Variants in SSUH2 observed in about 807,000 individuals in gnomAD.
The protein encoded by SSUH2 is ssu-2 homolog.
Under a neutral mutation model 55.3 loss-of-function variants are expected in SSUH2, and 47 were observed. The observed-to-expected ratio is 0.85, with a 90% CI of 0.67 to 1.08. The LOEUF (loss-of-function observed/expected upper bound fraction) is 1.08, where lower values mean the gene tolerates loss of function less well. Among genes scored for constraint, SSUH2 ranks in the 50% least tolerant of loss-of-function variants. The pLI, the probability that SSUH2 is intolerant of heterozygous loss-of-function variation, is 0.00. For synonymous variants in SSUH2, 212 were observed against 191.5 expected (o/e 1.11, Z -0.89); for missense variants, 535 against 490.7 (o/e 1.09, Z -0.85).
intron 6 of SSUH2, chr3:8,663,685 C>A: frequency 2.6e-6 from 1 of 386,412 alleles, no homozygotes. Context: ...AATTGATTAA[C>A]TAACTCAGCC....
chr3:8,630,682 A>G (rs1698577412), intron 6 of SSUH2, 123 bp downstream of exon 6: 5 of 912,368 alleles, frequency 5.5e-6, no homozygotes, highest in Non-Finnish European at 3.0e-6. Flanking sequence ...ATAACCAACA[A>G]ATGAAGCACC....
At chr3:8,649,779 C>T (rs144789347), upstream of SSUH2, among the ~76,000 whole-genome samples, 11 of 152,222 alleles carry the variant, frequency 7.2e-5, no homozygotes, top group African/African-American at 2.6e-4. Context: ...TTGCCCTCGC[C>T]CTGACAAAGC....
chr3:8,630,068 G>C (rs77149110), intron 6 of SSUH2, among the ~76,000 whole-genome samples: 8 of 152,292 alleles, frequency 5.3e-5, no homozygotes, highest in Non-Finnish European at 1.2e-4. Context: ...TGGTCTTTGG[G>C]AACAGAAGCC....
At chr3:8,660,821 G>A (rs973740464) in intron 6 of SSUH2, among the ~76,000 whole-genome samples, 2 of 152,156 alleles carry the variant, frequency 1.3e-5, no homozygotes, top group African/African-American at 4.8e-5. Context: ...CAGCTTTTTG[G>A]ATATGAATCC....
chr3:8,637,972 T>C (rs909481687), intron 1 of SSUH2, among the ~76,000 whole-genome samples: 5 of 152,186 alleles, frequency 3.3e-5, no homozygotes, highest in African/African-American at 1.2e-4. Flanking sequence ...AACCAGACAA[T>C]AGAAGCTTCG....
At chr3:8,663,867 T>C in intron 5 of SSUH2, 1 of 456,566 alleles carries the variant, frequency 2.2e-6, no homozygotes, top group South Asian at 1.5e-5. Context: ...CCCAAGACAA[T>C]GTTGTTTTCT....
At chr3:8,620,117 C>T (rs1291701920) in intron 11 of SSUH2, 103 bp from the exon 12 acceptor site, 1 of 1,326,974 alleles carries the variant, frequency 7.5e-7, no homozygotes. Flanking sequence ...ATGAAAGGTC[C>T]TGCTCTGGAG....
At chr3:8,645,029 A>C (rs1010893179), upstream of SSUH2, among the ~76,000 whole-genome samples, 1 of 152,262 alleles carries the variant, frequency 6.6e-6, no homozygotes, top group East Asian at 1.9e-4. Context: ...CACCCCTTTG[A>C]GAGGGGCACT....
intron 3 of SSUH2, among the ~76,000 whole-genome samples, chr3:8,676,308 C>T (rs1559553340): frequency 6.6e-6 from 1 of 152,196 alleles, no homozygotes; most frequent in East Asian, 2.0e-4. Flanking sequence ...GGTGTTTCTA[C>T]TCCCTGCGAT....
chr3:8,622,068 C>A (rs557876630), intron 11 of SSUH2, among the ~76,000 whole-genome samples: 1 of 152,228 alleles, frequency 6.6e-6, no homozygotes, highest in African/African-American at 2.4e-5. Flanking sequence ...TGCAGCTGAG[C>A]CCCTGCAATA....
At chr3:8,678,975 GA>G (rs1705700788) in intron 2 of SSUH2, among the ~76,000 whole-genome samples, 5 of 107,698 alleles carry the variant, frequency 4.6e-5, no homozygotes, top group Non-Finnish European at 8.8e-5. Flanking sequence ...TCGCAGGGCG[GA>G]GAGTCACCCC....
chr3:8,635,818 G>A lies in SSUH2; in HGVS notation c.68C>T (p.Ala23Val), dbSNP rs776600879. The change falls in exon 2 of 12, where the codon GCG (alanine) becomes GTG (valine). Residue 23 changes from alanine (A) to valine (V), a missense_variant. Transcript: ENST00000544814. ...DLSFEAESPL[A>V]PPTELLERLP... is the part of the protein sequence containing the mutation. ...TCTCTCCAGGAGCTCTGTGGGGGGC[G>A]CCAGAGGACTCTCGGCCTCAAAACT... The A allele has an allele frequency of 3.9e-5, 60 of 1,536,006 alleles. No individual in the cohort carries two copies. In the East Asian group the frequency reaches 6.4e-4, roughly 16 times the overall value.
intron 2 of SSUH2, chr3:8,677,361 C>T (rs368158453): frequency 6.6e-6 from 1 of 151,212 alleles, no homozygotes; most frequent in Non-Finnish European, 1.5e-5. Context: ...AGCCTAAGGG[C>T]AGAAGGCAGG....
chr3:8,621,276 A>G (rs971206907), intron 11 of SSUH2, among the ~76,000 whole-genome samples: 4 of 152,130 alleles, frequency 2.6e-5, no homozygotes, highest in African/African-American at 9.7e-5. Flanking sequence ...GGCCCTCTTT[A>G]CTTGCAGGGA....
chr3:8,642,629 C>T (rs1701046758), intron 1 of SSUH2, among the ~76,000 whole-genome samples: 1 of 152,246 alleles, frequency 6.6e-6, no homozygotes, highest in Admixed American at 6.5e-5. Flanking sequence ...CAGAACGTTC[C>T]TATCCATGCA....
intron 5 of SSUH2, among the ~76,000 whole-genome samples, chr3:8,631,783 G>A (rs1457973386): frequency 6.6e-6 from 1 of 152,050 alleles, no homozygotes; most frequent in Non-Finnish European, 1.5e-5. Context: ...CCGGCCCCGT[G>A]TGGCAGCACC....
At chr3:8,644,674 A>T in intron 1 of SSUH2, 57 bp downstream of exon 1, 1 of 1,486,152 alleles carries the variant, frequency 6.7e-7, no homozygotes, top group South Asian at 1.2e-5. Flanking sequence ...TCCTCTTCAA[A>T]TGCAGGCTAA....
intron 3 of SSUH2, among the ~76,000 whole-genome samples, chr3:8,676,201 C>A (rs146979073): frequency 6.6e-6 from 1 of 151,948 alleles, no homozygotes; most frequent in African/African-American, 2.4e-5. Flanking sequence ...GTTTCACAGA[C>A]GGGTGTACAC....
At chr3:8,626,117 G>A (rs960086638) in intron 9 of SSUH2, 112 bp downstream of exon 9, 2 of 813,850 alleles carry the variant, frequency 2.5e-6, no homozygotes, top group Admixed American at 1.9e-5. Flanking sequence ...GTCCTGGCAG[G>A]TTCTTGCACT....
Sources: gnomAD v4.1 joint callset for allele counts (sites outside exome capture counted in the v4.1 genomes callset) on GRCh38, gnomAD v4.1.1 for gene constraint, MANE v1.5 for transcripts, NCBI Gene and HGNC (gene_info 2026-07-23, HGNC 2026-07-21) for gene names.